ASCC3: variants seen among roughly 807,000 people sequenced by gnomAD.
The protein encoded by ASCC3 is ASC-1 complex subunit P200.
A neutral mutation model predicts 256.3 loss-of-function variants in ASCC3; 158 were observed. The ratio of observed to expected loss-of-function variants is 0.62; its 90% confidence interval spans 0.54 to 0.70. The LOEUF is 0.70. Ranked by LOEUF, ASCC3 falls within the 30% of genes least tolerant of loss-of-function variation. ASCC3 has a pLI of 0.00. For missense variants in ASCC3, 2,259 were observed against 2,626.0 expected, an observed-to-expected ratio of 0.86 and a Z score of 3.05; for synonymous variants, 948 against 883.4, an observed-to-expected ratio of 1.07 and a Z score of -1.30.
intron 13 of ASCC3, among the ~76,000 whole-genome samples, chr6:100,710,407 T>C (rs1288652188): frequency 1.3e-5 from 2 of 152,180 alleles, no homozygotes; most frequent in Non-Finnish European, 2.9e-5. Flanking sequence ...CTATCCTTTC[T>C]AACCATGCAC....
chr6:100,600,641 A>T (rs1772559270), intron 34 of ASCC3, among the ~76,000 whole-genome samples: 1 of 152,092 alleles, frequency 6.6e-6, no homozygotes, highest in South Asian at 2.1e-4. Context: ...CATTTTCATC[A>T]TGACTTCTCT....
Position 100,642,673 on chromosome 6 carries a change from C to A in ASCC3, c.3809G>T (p.Arg1270Leu). ...ACCCAACCATCTATCAGACACTGCT[C>A]GGATGTAGTATTGGGAAGGCAAAGG... ...FEPLPSQYYI[R>L]AVSDRWLGAE... is the part of the protein sequence containing the mutation. The change falls in exon 24 of 42, where the codon CGA (arginine) becomes CTA (leucine). Residue 1270 changes from arginine to leucine, a missense_variant. Physicochemically the swap from Arg to Leu is moderately radical, Grantham distance 102. Coordinates refer to ENST00000369162, the MANE Select transcript of ASCC3 (RefSeq NM_006828.4). 2 of 1,613,848 alleles carry A rather than the reference C, an allele frequency of 1.2e-6. No homozygotes were observed. The highest frequency in any genetic ancestry group is 1.7e-6 in the Non-Finnish European group (2 of 1,179,862).
intron 29 of ASCC3, among the ~76,000 whole-genome samples, chr6:100,627,089 T>C (rs1774276752): frequency 1.3e-5 from 2 of 152,268 alleles, no homozygotes; most frequent in South Asian, 4.1e-4. Context: ...ATTGATATAA[T>C]AAATATTCTT....
At chr6:100,591,794 G>A (rs1052131153) in intron 34 of ASCC3, among the ~76,000 whole-genome samples, 35 of 151,522 alleles carry the variant, frequency 2.3e-4, no homozygotes, top group African/African-American at 8.0e-4. Context: ...ATCCTGTTAC[G>A]GATTACCATC....
intron 34 of ASCC3, among the ~76,000 whole-genome samples, chr6:100,596,439 T>A (rs1292068326): frequency 6.6e-6 from 1 of 152,234 alleles, no homozygotes; most frequent in African/African-American, 2.4e-5. Flanking sequence ...GCTGTAATTT[T>A]AATTGAATTT....
chr6:100,657,780 T>C (rs1311490034), intron 16 of ASCC3, among the ~76,000 whole-genome samples: 2 of 151,456 alleles, frequency 1.3e-5, no homozygotes, highest in African/African-American at 4.8e-5. Context: ...GTGTTGTAAA[T>C]GTTCACTAAA....
intron 25 of ASCC3, among the ~76,000 whole-genome samples, chr6:100,634,325 G>A (rs980569147): frequency 5.3e-5 from 8 of 151,958 alleles, no homozygotes; most frequent in African/African-American, 1.5e-4. Context: ...TTCTACAGTC[G>A]TATACAACAC....
At chr6:100,663,815 G>A (rs1776342131) in intron 14 of ASCC3, among the ~76,000 whole-genome samples, 1 of 152,032 alleles carries the variant, frequency 6.6e-6, no homozygotes, top group South Asian at 2.1e-4. Context: ...AGATGAAAAA[G>A]GCTTTAAATT....
chr6:100,812,078 C>T (rs1319486813), intron 4 of ASCC3, among the ~76,000 whole-genome samples: 1 of 152,118 alleles, frequency 6.6e-6, no homozygotes. Flanking sequence ...TAACAAACAA[C>T]ATCAGAAGCT....
intron 22 of ASCC3, among the ~76,000 whole-genome samples, chr6:100,646,348 C>T (rs371247930): frequency 4.1e-4 from 63 of 152,064 alleles, no homozygotes; most frequent in Middle Eastern, 3.4e-3. Flanking sequence ...CTCGCTCTGT[C>T]GCCCAGGCTG....
At chr6:100,880,278 T>C (rs1769233518) in intron 1 of ASCC3, among the ~76,000 whole-genome samples, 1 of 151,992 alleles carries the variant, frequency 6.6e-6, no homozygotes, top group African/African-American at 2.4e-5. Flanking sequence ...TTTGAGAACT[T>C]TGAGAATCAG....
At chr6:100,528,096 C>T (rs1215074114) in intron 37 of ASCC3, among the ~76,000 whole-genome samples, 1 of 152,100 alleles carries the variant, frequency 6.6e-6, no homozygotes, top group African/African-American at 2.4e-5. Flanking sequence ...GCCTCAGCTC[C>T]CCCCTGTTGG....
chr6:100,878,409 G>C (rs1769095208), intron 1 of ASCC3, among the ~76,000 whole-genome samples: 1 of 152,054 alleles, frequency 6.6e-6, no homozygotes, highest in Admixed American at 6.6e-5. Flanking sequence ...CCCCAAAGTT[G>C]TGTTAATTTT....
intron 10 of ASCC3, among the ~76,000 whole-genome samples, chr6:100,756,194 AT>A (rs1781171573): frequency 6.6e-6 from 1 of 151,918 alleles, no homozygotes; most frequent in Non-Finnish European, 1.5e-5. Flanking sequence ...GACAAATGGT[AT>A]TTCCAAATAA....
chr6:100,850,118 A>G (rs1772591340), intron 3 of ASCC3, among the ~76,000 whole-genome samples: 1 of 150,710 alleles, frequency 6.6e-6, no homozygotes, highest in Non-Finnish European at 1.5e-5. Flanking sequence ...AAAAAAAAAA[A>G]AAGAAGGAAA....
At chr6:100,664,016 C>T (rs1776353878) in intron 14 of ASCC3, among the ~76,000 whole-genome samples, 1 of 152,100 alleles carries the variant, frequency 6.6e-6, no homozygotes, top group African/African-American at 2.4e-5. Context: ...ACTTATATGT[C>T]ACCTGTGTAA....
intron 4 of ASCC3, among the ~76,000 whole-genome samples, chr6:100,817,264 C>T (rs572036000): frequency 1.1e-4 from 17 of 151,746 alleles, no homozygotes; most frequent in Admixed American, 3.9e-4. Flanking sequence ...ACAAAACTTA[C>T]GGGATTAGCT....
Position 100,848,272 on chromosome 6 carries a change from T to G in ASCC3, c.677A>C (p.Glu226Ala). 1 of 1,614,100 alleles carries G rather than the reference T, an allele frequency of 6.2e-7. No individual in the cohort carries two copies. Among genetic ancestry groups the G allele is most frequent in the Non-Finnish European group, 8.5e-7 (1 of 1,180,008 alleles). ...EKTNGSFLWC[E>A]VEKYLNSTLK... is the part of the protein sequence containing the mutation. The stretch of plus-strand genomic sequence containing the variant: ...AGTTGAATTTAGGTACTTTTCAACT[T>G]CACACCACAAAAAGGAGCCATTTGT... The change falls in exon 4 of 42, where the codon GAA (glutamate) becomes GCA (alanine). Residue 226 changes from glutamate (E) to alanine (A), a missense_variant. By Grantham distance (107) the Glu-to-Ala change is moderately radical. Around this residue, in one of 2 missense-constraint regions of ASCC3, gnomAD observed 420 missense variants for 419.3 expected, o/e 1.00. Coordinates refer to ENST00000369162, the MANE Select transcript of ASCC3 (RefSeq NM_006828.4).
chr6:100,809,937 T>C (rs1159017895), intron 4 of ASCC3, among the ~76,000 whole-genome samples: 1 of 152,064 alleles, frequency 6.6e-6, no homozygotes, highest in African/African-American at 2.4e-5. Flanking sequence ...TACAACCCAT[T>C]ATGTCATATG....
Sources: gnomAD v4.1 joint callset for allele counts (sites outside exome capture counted in the v4.1 genomes callset) on GRCh38, gnomAD v4.1.1 for gene constraint, gnomAD v4.1.1 regional missense constraint, MANE v1.5 for transcripts, NCBI Gene and HGNC (gene_info 2026-07-23, HGNC 2026-07-21) for gene names.